ZZZ3: variants seen among roughly 807,000 people sequenced by gnomAD.
The protein encoded by ZZZ3 is zinc finger ZZ-type containing 3, also known as ZZ-type zinc finger-containing protein 3.
A neutral mutation model predicts 95.2 loss-of-function variants in ZZZ3; 22 were observed. The ratio of observed to expected loss-of-function variants is 0.23; its 90% CI spans 0.17 to 0.33. The LOEUF is 0.33. Ranked by LOEUF, ZZZ3 falls within the 10% of genes least tolerant of loss-of-function variation. The pLI, the probability that ZZZ3 is intolerant of heterozygous loss-of-function variation, is 1.00. For missense variants in ZZZ3, 885 were observed against 1,066.5 expected (o/e 0.83, Z 2.37); for synonymous variants, 335 against 358.9 (o/e 0.93, Z 0.75).
intron 5 of ZZZ3, among the ~76,000 whole-genome samples, chr1:77,622,696 C>T (rs996143898): frequency 6.6e-6 from 1 of 152,090 alleles, no homozygotes; most frequent in African/African-American, 2.4e-5. Context: ...CTCTTTTACC[C>T]ATCCTCAAGA....
Position 77,632,009 on chromosome 1 carries a change from C to T in ZZZ3, c.1346G>A (p.Ser449Asn), listed in dbSNP as rs1017494857. 63 of 1,613,968 alleles carry T rather than the reference C, an allele frequency of 3.9e-5. No homozygotes were observed. Among genetic ancestry groups the T allele is most frequent in the Non-Finnish European group, 5.2e-5 (61 of 1,179,994 alleles). Reference sequence around the variant, plus strand: ...TGAGGGTGGTTTACTTACTCCTTCACTTCCATTATTTTGAGAGTCACAACA... The same window carrying T: ...TGAGGGTGGTTTACTTACTCCTTCATTTCCATTATTTTGAGAGTCACAACA... ...GICCDSQNNG[S>N]EGVSKPPSEA... The change falls in exon 5 of 15, where the codon AGT becomes AAT. Residue 449 changes from serine to asparagine, a missense_variant. Physicochemically the swap from Ser to Asn is conservative, Grantham distance 46 (BLOSUM62 1). Around this residue, in one of 5 missense-constraint regions of ZZZ3, gnomAD observed 556 missense variants for 652.9 expected, o/e 0.85. Transcript: ENST00000370801.
At position 77,582,076 on chromosome 1, in the gene ZZZ3, G is replaced by A. The variant is rs768599899; in HGVS notation, c.1695C>T (p.Ile565=). The part of the protein sequence containing the change: ...YPQRVVQLPE[I]VWDQYTHSLG... ...GGCTATGGGTATATTGGTCCCATAC[G>A]ATCTCAGGCAATTGAACAACTCTCT... The change falls in exon 7 of 15, where the codon ATC becomes ATT. Residue 565 remains isoleucine, a synonymous_variant. Coordinates refer to ENST00000370801, the MANE Select transcript of ZZZ3 (RefSeq NM_015534.6). 14 of 1,612,984 alleles carry A rather than the reference G, an allele frequency of 8.7e-6. No homozygotes were observed. The highest frequency in any genetic ancestry group is 7.7e-5 in the South Asian group (7 of 90,812).
At chr1:77,573,159 G>T (rs1056389089) in intron 12 of ZZZ3, among the ~76,000 whole-genome samples, 7 of 151,816 alleles carry the variant, frequency 4.6e-5, no homozygotes, top group African/African-American at 1.7e-4. Context: ...TGCCCTTGTT[G>T]CCCAGGCTGG....
At chr1:77,570,346 GC>G (rs1661256011) in intron 12 of ZZZ3, among the ~76,000 whole-genome samples, 1 of 152,106 alleles carries the variant, frequency 6.6e-6, no homozygotes, top group Non-Finnish European at 1.5e-5. Flanking sequence ...CTCGTGATCT[GC>G]CTGCCTCAGC....
chr1:77,672,509 A>G lies in ZZZ3; in HGVS notation c.-403+10076T>C, dbSNP rs373160726. On this transcript the variant is annotated intron_variant, in intron 1 of 14. Coordinates refer to ENST00000370801, the MANE Select transcript of ZZZ3 (RefSeq NM_015534.6). ...GTCTGTTCATTTTGTTTTTTAATGCAGAAGTCCTGACTATACCCAAGTAGT... is the reference window on the plus strand; with the variant it reads ...GTCTGTTCATTTTGTTTTTTAATGCGGAAGTCCTGACTATACCCAAGTAGT... Among the ~76,000 whole-genome samples the G allele has an allele frequency of 1.3e-3, 200 of 152,322 alleles. 6 individuals carry two copies. In the South Asian group the frequency reaches 0.04, roughly 30 times the overall value.
At chr1:77,650,547 G>A (rs1435395401) in intron 1 of ZZZ3, among the ~76,000 whole-genome samples, 2 of 151,776 alleles carry the variant, frequency 1.3e-5, no homozygotes, top group East Asian at 3.9e-4. Context: ...AATTAATGCA[G>A]CATATCAAAA....
chr1:77,572,590 G>A (rs1053533956), intron 12 of ZZZ3, among the ~76,000 whole-genome samples: 3 of 151,654 alleles, frequency 2.0e-5, no homozygotes, highest in East Asian at 1.9e-4. Context: ...CATCTGCCTC[G>A]GCCTCCCAAA....
At chr1:77,682,060 G>C (rs1672818437) in intron 1 of ZZZ3, among the ~76,000 whole-genome samples, 1 of 152,104 alleles carries the variant, frequency 6.6e-6, no homozygotes, top group South Asian at 2.1e-4. Context: ...ATGATGAAAA[G>C]CAGGATTTTA....
chr1:77,598,679 A>G (rs1303151829), intron 5 of ZZZ3, among the ~76,000 whole-genome samples: 1 of 152,170 alleles, frequency 6.6e-6, no homozygotes, highest in African/African-American at 2.4e-5. Context: ...ACATTAAGAC[A>G]TAGTGCAATC....
intron 5 of ZZZ3, among the ~76,000 whole-genome samples, chr1:77,605,841 G>GGTA (rs1665175441): frequency 6.6e-6 from 1 of 152,190 alleles, no homozygotes; most frequent in South Asian, 2.1e-4. Flanking sequence ...GTGACACGCA[G>GGTA]GTAGTACATC....
At chr1:77,626,003 A>T (rs1274270209) in intron 5 of ZZZ3, among the ~76,000 whole-genome samples, 1 of 152,096 alleles carries the variant, frequency 6.6e-6, no homozygotes, top group African/African-American at 2.4e-5. Context: ...TCTCAAAAAA[A>T]AAAGAAAAAA....
intron 5 of ZZZ3, among the ~76,000 whole-genome samples, chr1:77,610,913 A>C (rs952290695): frequency 2.0e-5 from 3 of 151,988 alleles, no homozygotes; most frequent in Admixed American, 2.0e-4. Flanking sequence ...GATCTGAAAA[A>C]AGACAAGGAT....
At chr1:77,680,674 T>A (rs897634791) in intron 1 of ZZZ3, among the ~76,000 whole-genome samples, 4 of 152,224 alleles carry the variant, frequency 2.6e-5, no homozygotes, top group Non-Finnish European at 4.4e-5. Context: ...TAACTACTAA[T>A]GTCTACCACT....
intron 5 of ZZZ3, among the ~76,000 whole-genome samples, chr1:77,617,199 T>C (rs1666401648): frequency 6.6e-6 from 1 of 152,216 alleles, no homozygotes; most frequent in Admixed American, 6.5e-5. Flanking sequence ...ACTTAGTACA[T>C]TCACAATGTT....
chr1:77,630,065 A>T (rs1255068007), intron 5 of ZZZ3, among the ~76,000 whole-genome samples: 1 of 152,264 alleles, frequency 6.6e-6, no homozygotes, highest in Admixed American at 6.5e-5. Flanking sequence ...AATAAAAAGC[A>T]AAGAACAGAA....
chr1:77,674,065 TAA>T (rs1447072235), intron 1 of ZZZ3, among the ~76,000 whole-genome samples: 1 of 147,252 alleles, frequency 6.8e-6, no homozygotes. Context: ...ACATAAATTT[TAA>T]AATCTACTAT....
At chr1:77,622,289 A>G (rs929915652) in intron 5 of ZZZ3, among the ~76,000 whole-genome samples, 1 of 151,790 alleles carries the variant, frequency 6.6e-6, no homozygotes, top group African/African-American at 2.4e-5. Context: ...CCTGGGTGAC[A>G]GAGTGAGAAC....
intron 5 of ZZZ3, among the ~76,000 whole-genome samples, chr1:77,615,692 A>G (rs1666240779): frequency 6.6e-6 from 1 of 152,238 alleles, no homozygotes; most frequent in Admixed American, 6.5e-5. Flanking sequence ...ATATCCTTTA[A>G]AAGGAACTGC....
intron 6 of ZZZ3, among the ~76,000 whole-genome samples, chr1:77,582,670 C>CTT (rs11401605): frequency 6.5e-4 from 93 of 143,350 alleles, no homozygotes; most frequent in East Asian, 1.2e-3. Context: ...TAATTTTTTT[C>CTT]TTTTTTTTTT....
Sources: gnomAD v4.1 joint callset for allele counts (sites outside exome capture counted in the v4.1 genomes callset) on GRCh38, gnomAD v4.1.1 for gene constraint, gnomAD v4.1.1 regional missense constraint, MANE v1.5 for transcripts, NCBI Gene and HGNC (gene_info 2026-07-23, HGNC 2026-07-21) for gene names.